DST: variants seen among roughly 807,000 people sequenced by gnomAD.
DST encodes dystonin.
In DST, 253 loss-of-function variants were observed where a neutral mutation model predicts 875.2. That is an observed-to-expected ratio of 0.29 (90% confidence interval 0.26 to 0.32). The LOEUF is 0.32. Among genes scored for constraint, DST ranks in the 10% least tolerant of loss-of-function variants. The pLI, the probability that DST is intolerant of heterozygous loss-of-function variation, is 1.00. For missense variants in DST, 8,287 were observed against 9,111.6 expected (o/e 0.91, Z 3.68); for synonymous variants, 3,124 against 3,197.1 (o/e 0.98, Z 0.77).
chr6:56,629,654 C>T (rs563733371), intron 31 of DST, among the ~76,000 whole-genome samples: 8 of 152,110 alleles, frequency 5.3e-5, no homozygotes, highest in Non-Finnish European at 7.4e-5. Context: ...AATTTTATAA[C>T]GTTCAGCCTA....
chr6:56,579,657 C>T (rs768864219), intron 49 of DST, among the ~76,000 whole-genome samples: 1 of 151,950 alleles, frequency 6.6e-6, no homozygotes, highest in Non-Finnish European at 1.5e-5. Context: ...CCACTCCCTG[C>T]AGAACAAACA....
chr6:56,662,327 C>T (rs2099047901), intron 10 of DST, among the ~76,000 whole-genome samples: 1 of 152,148 alleles, frequency 6.6e-6, no homozygotes, highest in Admixed American at 6.5e-5. Context: ...ACATGCCTCA[C>T]AAAGACACAT....
chr6:56,763,887 T>G (rs759956984), intron 4 of DST, among the ~76,000 whole-genome samples: 2 of 152,096 alleles, frequency 1.3e-5, no homozygotes, highest in Non-Finnish European at 2.9e-5. Context: ...CACAATGACC[T>G]AAGGTTTGAA....
Position 56,541,583 on chromosome 6 carries a change from G to A in DST, c.16609-4643C>T, listed in dbSNP as rs545715897. The A allele has an allele frequency of 1.0e-3, 160 of 152,892 alleles. 1 individual carries two copies. The highest frequency in any genetic ancestry group is 8.8e-5 in the Non-Finnish European group (6 of 68,242). The allele number at this position is 152,892 out of a possible 1,614,324, so 9.5% of individuals were successfully genotyped here. On this transcript the variant is annotated intron_variant, in intron 61 of 103. Transcript: ENST00000680361. Reference sequence around the variant, plus strand: ...GAGTGGCTTCCCCATTTTGCAGATAGTTAAAACAAATATTGCAGCTCTTGA... The same window carrying A: ...GAGTGGCTTCCCCATTTTGCAGATAATTAAAACAAATATTGCAGCTCTTGA...
intron 2 of DST, among the ~76,000 whole-genome samples, chr6:56,916,215 G>T (rs1800848911): frequency 6.6e-6 from 1 of 152,158 alleles, no homozygotes; most frequent in South Asian, 2.1e-4. Flanking sequence ...AGAGCCATAG[G>T]ACACTAGGTG....
At chr6:56,780,511 G>A (rs1432517601) in intron 4 of DST, among the ~76,000 whole-genome samples, 1 of 151,906 alleles carries the variant, frequency 6.6e-6, no homozygotes, top group African/African-American at 2.4e-5. Context: ...TCTTTTGGCT[G>A]CATAAATGTC....
intron 39 of DST, 22 bp from the exon 40 acceptor site, chr6:56,609,366 C>T (rs529749995): frequency 6.5e-7 from 1 of 1,547,056 alleles, no homozygotes; most frequent in Non-Finnish European, 8.8e-7. Flanking sequence ...ATGCAAAAAT[C>T]TCAGGTCACT....
chr6:56,850,857 A>C (rs1008208972), intron 4 of DST, among the ~76,000 whole-genome samples: 4 of 152,230 alleles, frequency 2.6e-5, no homozygotes, highest in Non-Finnish European at 4.4e-5. Flanking sequence ...AACCCTCAAA[A>C]GCACTAAGGA....
At chr6:56,506,887 T>A (rs564708091) in intron 75 of DST, 98 bp from the exon 76 acceptor site, 25 of 1,255,692 alleles carry the variant, frequency 2.0e-5, no homozygotes, top group Non-Finnish European at 2.0e-5. Context: ...TTCTAGAAGG[T>A]GGCATTCTAA....
In DST at chr6:56,573,106, T is replaced by A. The variant is rs759923632; in HGVS notation, c.13237-42A>T. The A allele has an allele frequency of 4.9e-6, 7 of 1,424,582 alleles. No individual in the cohort carries two copies. In the East Asian group the frequency reaches 1.5e-4, roughly 30 times the overall value. 88.2% of individuals were successfully genotyped at this position (1,424,582 alleles called of 1,614,324 possible). A position where few individuals can be genotyped will look rare whatever the true frequency, so the allele number is the denominator to read the frequency against. ...ATTGCATATCTTTTATTATGATGCT[T>A]ATAAATAATGTGACAGAATTTTTTT... On this transcript the variant is annotated intron_variant, in intron 51 of 103. Coordinates refer to ENST00000680361, the MANE Select transcript of DST (RefSeq NM_001374736.1).
In DST at chr6:56,607,810, G is replaced by A. The variant is rs745521084; in HGVS notation, c.6818C>T (p.Thr2273Ile). 6.2e-7 allele frequency: 1 copy of A among 1,613,390 alleles called. No individual in the cohort carries two copies. Among genetic ancestry groups the A allele is most frequent in the East Asian group, 2.2e-5 (1 of 44,874 alleles). ...TTTATTGAAACTACTTGGTGTAGCT[G>A]TACATTCATCCTTTTCTCTACCTGA... Reference protein sequence around the residue: ...NASGREKDECTATPSSFNKCH... With the variant: ...NASGREKDECIATPSSFNKCH... The change falls in exon 40 of 104, where the codon ACA (threonine) becomes ATA (isoleucine). Residue 2273 changes from threonine to isoleucine, a missense_variant. Physicochemically the swap from Thr to Ile is moderately conservative, Grantham distance 89 (BLOSUM62 -1). This residue lies in a region of DST where 3,138 missense variants were observed against 3,116.6 expected (regional missense o/e 1.01). Transcript: ENST00000680361.
chr6:56,785,498 C>T (rs561933259), intron 4 of DST, among the ~76,000 whole-genome samples: 2 of 151,964 alleles, frequency 1.3e-5, no homozygotes, highest in Non-Finnish European at 2.9e-5. Context: ...ACTCGGTGGG[C>T]GTAGGACCCT....
chr6:56,729,814 T>C (rs1160322097), intron 5 of DST, among the ~76,000 whole-genome samples: 2 of 152,072 alleles, frequency 1.3e-5, no homozygotes, highest in East Asian at 3.9e-4. Context: ...ATTGATTTGG[T>C]GGAGTCATGA....
intron 9 of DST, among the ~76,000 whole-genome samples, chr6:56,673,794 A>G (rs1302003425): frequency 6.6e-6 from 1 of 152,222 alleles, no homozygotes; most frequent in African/African-American, 2.4e-5. Context: ...GCTTTAAAAT[A>G]TCAAAGATTA....
intron 58 of DST, 53 bp downstream of exon 58, chr6:56,560,241 G>A (rs1396722616): frequency 6.8e-7 from 1 of 1,480,684 alleles, no homozygotes; most frequent in Non-Finnish European, 9.1e-7. Flanking sequence ...TGATAAACAT[G>A]AAAAATGATT....
chr6:56,736,585 G>T (rs1223769482), intron 4 of DST, among the ~76,000 whole-genome samples: 1 of 151,862 alleles, frequency 6.6e-6, no homozygotes, highest in African/African-American at 2.4e-5. Flanking sequence ...CCTTTCCCTG[G>T]GGGTAAGATA....
At chr6:56,897,189 C>T (rs1403656011) in intron 3 of DST, among the ~76,000 whole-genome samples, 1 of 151,420 alleles carries the variant, frequency 6.6e-6, no homozygotes, top group East Asian at 1.9e-4. Flanking sequence ...GTGGCTAGCC[C>T]AAACTTTTCT....
chr6:56,720,018 G>C (rs2099408808), intron 5 of DST, among the ~76,000 whole-genome samples: 1 of 152,138 alleles, frequency 6.6e-6, no homozygotes, highest in Non-Finnish European at 1.5e-5. Context: ...CAGGAGACAG[G>C]GTTTGAGAGC....
At chr6:56,574,792 AATTT>A (rs1366264022) in intron 50 of DST, among the ~76,000 whole-genome samples, 1 of 152,294 alleles carries the variant, frequency 6.6e-6, no homozygotes, top group East Asian at 1.9e-4. Flanking sequence ...TGATGTTTTA[AATTT>A]ATTTATCACT....
Sources: allele counts gnomAD v4.1 joint callset (sites outside exome capture counted in the v4.1 genomes callset), GRCh38; gene constraint gnomAD v4.1.1; regional missense constraint gnomAD v4.1.1; transcripts MANE v1.5; gene names NCBI Gene and HGNC (gene_info 2026-07-23, HGNC 2026-07-21).